ZNF665: variants seen among roughly 807,000 people sequenced by gnomAD.
ZNF665 encodes zinc finger protein 665.
In ZNF665, 6 loss-of-function variants were observed where a neutral mutation model predicts 7.9. The ratio of observed to expected loss-of-function variants is 0.76; its 90% confidence interval spans 0.42 to 1.50. ZNF665 has a LOEUF of 1.50. ZNF665 is among the 40% of genes most tolerant of loss of function. ZNF665 has a pLI of 0.01. For synonymous variants in ZNF665, 242 were observed against 274.5 expected, an observed-to-expected ratio of 0.88 and a Z score of 1.17; for missense variants, 819 against 806.7, an observed-to-expected ratio of 1.02 and a Z score of -0.18.
intron 1 of ZNF665, among the ~76,000 whole-genome samples, chr19:53,191,428 G>A (rs1017627686): frequency 8.5e-5 from 13 of 152,214 alleles, no homozygotes; most frequent in African/African-American, 3.1e-4. Context: ...AACAGAGATT[G>A]CAAATAGAAG....
At chr19:53,170,134 G>A (rs1365580951) in intron 3 of ZNF665, among the ~76,000 whole-genome samples, 4 of 149,424 alleles carry the variant, frequency 2.7e-5, no homozygotes, top group Non-Finnish European at 5.9e-5. Context: ...GGTTGAACTA[G>A]TTTACAGTCC....
intron 2 of ZNF665, chr19:53,182,575 C>A: frequency 2.8e-6 from 2 of 712,494 alleles, no homozygotes; most frequent in South Asian, 1.5e-5. Context: ...TCAATATATT[C>A]AAATATGTCC....
chr19:53,184,737 G>A (rs1489696122), intron 1 of ZNF665, among the ~76,000 whole-genome samples: 1 of 152,150 alleles, frequency 6.6e-6, no homozygotes, highest in Admixed American at 6.5e-5. Context: ...GCTGGGCCCG[G>A]GGGACCACTA....
At position 53,164,364 on chromosome 19, in the gene ZNF665, G is replaced by A. The variant is rs1329160250; in HGVS notation, c.*89C>T. On this transcript the variant is annotated 3_prime_UTR_variant, in exon 4 of 4. Coordinates refer to ENST00000396424, the MANE Select transcript of ZNF665 (RefSeq NM_024733.5). ...TGTTGGCCAGCCTGGTCTCGAACTCGAGACCTCAGGTGATCCCCCCGCCTC... is the reference window on the plus strand; with the variant it reads ...TGTTGGCCAGCCTGGTCTCGAACTCAAGACCTCAGGTGATCCCCCCGCCTC... 13 of 1,070,146 alleles carry A rather than the reference G, an allele frequency of 1.2e-5. No individual in the cohort carries two copies. Among genetic ancestry groups the A allele is most frequent in the South Asian group, 5.4e-5 (3 of 56,006 alleles). 66.3% of individuals were successfully genotyped at this position (1,070,146 alleles called of 1,614,324 possible). A position where few individuals can be genotyped will look rare whatever the true frequency, so the allele number is the denominator to read the frequency against.
At chr19:53,177,553 A>AACAAT in intron 2 of ZNF665, among the ~76,000 whole-genome samples, 1 of 152,064 alleles carries the variant, frequency 6.6e-6, no homozygotes, top group African/African-American at 2.4e-5. Flanking sequence ...AACAAAACAA[A>AACAAT]ACAAAACAAA....
intron 3 of ZNF665, among the ~76,000 whole-genome samples, chr19:53,171,622 C>A (rs780454956): frequency 3.3e-5 from 5 of 149,900 alleles, no homozygotes; most frequent in Non-Finnish European, 7.4e-5. Flanking sequence ...CTCCGCCTCC[C>A]AGGTTCAAAC....
In ZNF665 at chr19:53,178,008, C is replaced by T. The variant is rs1245401442; in HGVS notation, c.16-2437G>A. 2.6e-5 allele frequency among the ~76,000 whole-genome samples: 4 copies of T among 152,286 alleles called. No homozygotes were observed. In the East Asian group the frequency reaches 5.8e-4, roughly 22 times the overall value. ...ATCAGTTAAGCAACAGGCAAGCTAC[C>T]TGAAAGAGCAGCTCGCAATGCCCTG... On this transcript the variant is annotated intron_variant, in intron 2 of 3. Transcript: ENST00000396424.
chr19:53,165,369 TAAGGTTTCTCACCAGTATG>T lies in ZNF665; in HGVS notation c.1102_1120del (p.His368ThrfsTer16). Reference sequence around the variant, plus strand: ...GGCTTTCCCACACTCATTACACTTGTAAGGTTTCTCACCAGTATGAATTCGCCGATGCTTTGCAAGGTAT... The same window carrying T: ...GGCTTTCCCACACTCATTACACTTGTAATTCGCCGATGCTTTGCAAGGTAT... On this transcript the variant is annotated frameshift_variant, in exon 4 of 4. Coordinates refer to ENST00000396424, the MANE Select transcript of ZNF665 (RefSeq NM_024733.5). LOFTEE classifies it low-confidence loss of function (END_TRUNC). 1 of 1,614,216 alleles carries T rather than the reference TAAGGTTTCTCACCAGTATG, an allele frequency of 6.2e-7. No individual in the cohort carries two copies. The highest frequency in any genetic ancestry group is 8.5e-7 in the Non-Finnish European group (1 of 1,180,024).
chr19:53,174,423 T>C (rs766551750), intron 3 of ZNF665, among the ~76,000 whole-genome samples: 1 of 152,144 alleles, frequency 6.6e-6, no homozygotes, highest in Non-Finnish European at 1.5e-5. Flanking sequence ...GATCACAGGA[T>C]ATAAACTTTT....
intron 3 of ZNF665, among the ~76,000 whole-genome samples, chr19:53,173,163 A>G (rs949067719): frequency 6.6e-6 from 1 of 152,134 alleles, no homozygotes; most frequent in Non-Finnish European, 1.5e-5. Context: ...GTAGTTTTAC[A>G]TTATCAGGTC....
intron 3 of ZNF665, among the ~76,000 whole-genome samples, chr19:53,170,391 T>C (rs2090648543): frequency 6.6e-6 from 1 of 152,182 alleles, no homozygotes; most frequent in Non-Finnish European, 1.5e-5. Context: ...ATGTGAAAAA[T>C]GTGTCATTTA....
intron 1 of ZNF665, among the ~76,000 whole-genome samples, chr19:53,184,130 G>T (rs188037449): frequency 5.3e-5 from 8 of 151,978 alleles, no homozygotes; most frequent in Non-Finnish European, 7.4e-5. Flanking sequence ...CGTGCCTGTA[G>T]TCCCAGCTAC....
chr19:53,182,478 C>T (rs1321381621), intron 2 of ZNF665: 2 of 516,584 alleles, frequency 3.9e-6, no homozygotes, highest in African/African-American at 3.8e-5. Flanking sequence ...CCACAGTCGT[C>T]TCATTTTACA....
intron 1 of ZNF665, among the ~76,000 whole-genome samples, chr19:53,189,745 G>A (rs2090801597): frequency 6.7e-6 from 1 of 150,084 alleles, no homozygotes. Flanking sequence ...AAGAGGTGGA[G>A]GAGTAGAGTC....
At chr19:53,180,072 C>G (rs2090727232) in intron 2 of ZNF665, 2 of 152,054 alleles carry the variant, frequency 1.3e-5, no homozygotes, top group African/African-American at 4.8e-5. Context: ...GGAATTTCAC[C>G]AAAGGTCATT....
chr19:53,189,718 G>A (rs1220655487), intron 1 of ZNF665, among the ~76,000 whole-genome samples: 2 of 149,616 alleles, frequency 1.3e-5, no homozygotes, highest in African/African-American at 2.5e-5. Context: ...GAGCCTGACT[G>A]ATGTCAGGCC....
At position 53,165,214 on chromosome 19, in the gene ZNF665, C is replaced by T; in HGVS notation, c.1276G>A (p.Gly426Arg). The T allele has an allele frequency of 6.2e-7, 1 of 1,614,088 alleles. No homozygotes were observed. Among genetic ancestry groups the T allele is most frequent in the Non-Finnish European group, 8.5e-7 (1 of 1,180,018 alleles). ...TCATCACACCTGTAAGGTTTCTCTC[C>T]AGTATGAATTCTTCGATGATTTGCT... ...HLANHRRIHT[G>R]EKPYRCDECG... The change falls in exon 4 of 4, where the codon GGA (glycine) becomes AGA (arginine). Residue 426 changes from glycine to arginine, a missense_variant. Physicochemically the swap from Gly to Arg is moderately radical, Grantham distance 125. Coordinates refer to ENST00000396424, the MANE Select transcript of ZNF665 (RefSeq NM_024733.5).
intron 3 of ZNF665, among the ~76,000 whole-genome samples, 171 bp downstream of exon 3, chr19:53,175,274 C>T (rs1400322384): frequency 8.5e-5 from 13 of 152,124 alleles, no homozygotes; most frequent in East Asian, 7.7e-4. Flanking sequence ...CAGACCATCT[C>T]GAGAAACAGC....
intron 1 of ZNF665, among the ~76,000 whole-genome samples, chr19:53,183,316 C>A (rs142033546): frequency 6.6e-6 from 1 of 152,282 alleles, no homozygotes; most frequent in East Asian, 1.9e-4. Context: ...ATAGGCTGAT[C>A]TCAGCCTTCA....
Sources: allele counts gnomAD v4.1 joint callset (sites outside exome capture counted in the v4.1 genomes callset), GRCh38; gene constraint gnomAD v4.1.1; transcripts MANE v1.5; gene names NCBI Gene and HGNC (gene_info 2026-07-23, HGNC 2026-07-21).